CACNA1B: variants seen among roughly 807,000 people sequenced by gnomAD.
The protein encoded by CACNA1B is calcium voltage-gated channel subunit alpha1 B.
In CACNA1B, 70 loss-of-function variants were observed where a neutral mutation model predicts 247.2. That is an observed-to-expected ratio of 0.28 (90% CI 0.23 to 0.35). The LOEUF (loss-of-function observed/expected upper bound fraction) is 0.35, where lower values mean the gene tolerates loss of function less well. CACNA1B is among the 10% of genes least tolerant of loss of function. CACNA1B has a pLI of 1.00. For synonymous variants in CACNA1B, 1,231 were observed against 1,294.4 expected (o/e 0.95, Z 1.05); for missense variants, 2,367 against 3,197.4 (o/e 0.74, Z 6.26).
Position 138,102,725 on chromosome 9 carries a change from A to G in CACNA1B, c.5237A>G (p.Tyr1746Cys), listed in dbSNP as rs1480726090. Reference protein sequence around the residue: ...YDPAACGRISYNDMFEMLKHM... With the variant: ...YDPAACGRISCNDMFEMLKHM... Reference sequence around the variant, plus strand: ...CGGGTTTCCAGTGGGCGCATCAGTTACAATGACATGTTTGAGATGCTGAAA... The same window carrying G: ...CGGGTTTCCAGTGGGCGCATCAGTTGCAATGACATGTTTGAGATGCTGAAA... The change falls in exon 38 of 47, where the codon TAC (tyrosine) becomes TGC (cysteine). Residue 1746 changes from tyrosine (Y) to cysteine (C), a missense_variant. Coordinates refer to ENST00000371372, the MANE Select transcript of CACNA1B (RefSeq NM_000718.4). The surrounding 1 kb of genome is among the most constrained non-coding windows in gnomAD (Gnocchi z 5.4). The G allele has an allele frequency of 1.2e-6, 2 of 1,611,936 alleles. No individual in the cohort carries two copies. The highest frequency in any genetic ancestry group is 8.5e-7 in the Non-Finnish European group (1 of 1,178,636).
chr9:138,022,601 C>T (rs2133436957), intron 18 of CACNA1B, among the ~76,000 whole-genome samples: 1 of 152,208 alleles, frequency 6.6e-6, no homozygotes, highest in South Asian at 2.1e-4. Flanking sequence ...GGCTACAGGG[C>T]CTCCCTGGCT....
chr9:138,058,733 G>A lies in CACNA1B; in HGVS notation c.4473G>A (p.Lys1491=). ...TCAACACTGTGGTGCTGATGATGAA[G>A]GTGTGTGGGGCTCAGCGCAGAGGGG... ...IALNTVVLMM[K]FYDAPYEYEL... Residue 1491 remains lysine, a splice_region_variant and synonymous_variant, in exon 29 of 47, where the codon AAG becomes AAA. Transcript: ENST00000371372. This position sits in a 1 kb window ranked among gnomAD's most constrained non-coding sequence, Gnocchi z 4.7. 6.2e-7 allele frequency: 1 copy of A among 1,601,626 alleles called. No individual in the cohort carries two copies. Among genetic ancestry groups the A allele is most frequent in the Non-Finnish European group, 8.5e-7 (1 of 1,173,992 alleles).
Position 137,971,493 on chromosome 9 carries a change from C to A in CACNA1B, c.1444C>A (p.Gln482Lys). 6.2e-7 allele frequency: 1 copy of A among 1,613,726 alleles called. No individual in the cohort carries two copies. The highest frequency in any genetic ancestry group is 1.1e-5 in the South Asian group (1 of 91,006). Residue 482 changes from glutamine to lysine, a missense_variant, in exon 11 of 47, where the codon CAG becomes AAG. This residue lies in a region of CACNA1B where 219 missense variants were observed against 297.6 expected (regional missense o/e 0.74). Coordinates refer to ENST00000371372, the MANE Select transcript of CACNA1B (RefSeq NM_000718.4). The surrounding 1 kb of genome is among the most constrained non-coding windows in gnomAD (Gnocchi z 4.4). ...TTTTATCCGGCGCATGGTGAAGGCT[C>A]AGAGCTTCTACTGGGTGGTGCTGTG... ...RFFIRRMVKA[Q>K]SFYWVVLCVV... is the part of the protein sequence containing the mutation.
At position 138,122,379 on chromosome 9, in the gene CACNA1B, C is replaced by T. The variant is rs199893681; in HGVS notation, c.*380C>T. 129 of 233,856 alleles carry T rather than the reference C, an allele frequency of 5.5e-4. No individual in the cohort carries two copies. In the South Asian group the frequency reaches 5.9e-3, roughly 11 times the overall value. The allele number at this position is 233,856 out of a possible 1,614,324, so 14.5% of individuals were successfully genotyped here. On this transcript the variant is annotated 3_prime_UTR_variant, in exon 47 of 47. Coordinates refer to ENST00000371372, the MANE Select transcript of CACNA1B (RefSeq NM_000718.4). ...TGCGTCCTGTGGGGAGCACCCTTCA[C>T]GTGGCCGTGCGGCACAGAGAAGCAG...
Position 138,120,297 on chromosome 9 carries a change from C to A in CACNA1B, c.6163C>A (p.Arg2055Ser). ...GGCGTCGTCGCACCACCACCACCAC[C>A]GCTGCCACCGCCGCAGGGACAGGAA... ...SQASSHHHHH[R>S]CHRRRDRKQR... is the part of the protein sequence containing the mutation. Residue 2055 changes from arginine (R) to serine (S), a missense_variant, in exon 45 of 47, where the codon CGC becomes AGC. Around this residue, in one of 12 missense-constraint regions of CACNA1B, gnomAD observed 773 missense variants for 779.4 expected, o/e 0.99. Transcript: ENST00000371372. The A allele has an allele frequency of 2.6e-6, 4 of 1,563,790 alleles. No homozygotes were observed. The highest frequency in any genetic ancestry group is 2.6e-6 in the Non-Finnish European group (3 of 1,156,952).
intron 3 of CACNA1B, among the ~76,000 whole-genome samples, chr9:137,902,583 G>A (rs1957251269): frequency 6.6e-6 from 1 of 152,128 alleles, no homozygotes; most frequent in Non-Finnish European, 1.5e-5. Context: ...GTCAGCAGAG[G>A]ATAAACATTT....
intron 15 of CACNA1B, among the ~76,000 whole-genome samples, chr9:138,003,786 T>A (rs2133407926): frequency 1.4e-5 from 2 of 142,840 alleles, no homozygotes; most frequent in East Asian, 4.0e-4. Context: ...GCCTTTTTTT[T>A]TTTTTTTTTT....
At chr9:138,087,028 C>T (rs1960714484) in intron 36 of CACNA1B, among the ~76,000 whole-genome samples, 1 of 151,002 alleles carries the variant, frequency 6.6e-6, no homozygotes, top group African/African-American at 2.5e-5. Context: ...TGAAATTGTA[C>T]AAATTCATGA....
In CACNA1B at chr9:138,023,618, C is replaced by T; in HGVS notation, c.2875C>T (p.Arg959Cys). Residue 959 changes from arginine to cysteine, a missense_variant, in exon 19 of 47, where the codon CGC (arginine) becomes TGC (cysteine). Arg to Cys is a radical substitution (Grantham distance 180). Around this residue, in one of 12 missense-constraint regions of CACNA1B, gnomAD observed 631 missense variants for 631.1 expected, o/e 1.00. Coordinates refer to ENST00000371372, the MANE Select transcript of CACNA1B (RefSeq NM_000718.4). ...GAKGERRARH[R>C]GGPRAGPREA... Reference sequence around the variant, plus strand: ...CAAGGGCGAGCGGCGCGCGCGGCACCGCGGCGGCCCCCGAGCGGGGCCCCG... The same window carrying T: ...CAAGGGCGAGCGGCGCGCGCGGCACTGCGGCGGCCCCCGAGCGGGGCCCCG... 1 of 1,185,426 alleles carries T rather than the reference C, an allele frequency of 8.4e-7. No individual in the cohort carries two copies. Among genetic ancestry groups the T allele is most frequent in the Non-Finnish European group, 1.0e-6 (1 of 955,790 alleles). 73.4% of individuals were successfully genotyped at this position (1,185,426 alleles called of 1,614,324 possible).
chr9:137,997,459 G>T (rs541317532), intron 15 of CACNA1B, among the ~76,000 whole-genome samples: 1 of 152,264 alleles, frequency 6.6e-6, no homozygotes, highest in East Asian at 1.9e-4. Context: ...CATGAAATTG[G>T]ATTCCTACCT....
chr9:138,120,870 C>T lies in CACNA1B; in HGVS notation c.6478C>T (p.Pro2160Ser). Residue 2160 changes from proline (P) to serine (S), a missense_variant, in exon 46 of 47, where the codon CCC becomes TCC. Around this residue, in one of 12 missense-constraint regions of CACNA1B, gnomAD observed 773 missense variants for 779.4 expected, o/e 0.99. Transcript: ENST00000371372. ...TSPTAGQEPG[P>S]HPQGSGSVNG... ...GCCAACAGCTGGCCAGGAGCCGGGA[C>T]CCCACCCACAGGTAAGAGGAATAGG... 2 of 1,570,686 alleles carry T rather than the reference C, an allele frequency of 1.3e-6. No homozygotes were observed. The highest frequency in any genetic ancestry group is 1.7e-6 in the Non-Finnish European group (2 of 1,158,374).
rs533918932 is a variant in CACNA1B at position 137,948,682 on chromosome 9, T to C, written c.967-3592T>C. 6.0e-5 allele frequency among the ~76,000 whole-genome samples: 9 copies of C among 151,100 alleles called. No homozygotes were observed. In the East Asian group the frequency reaches 1.8e-3, roughly 29 times the overall value. ...TGGTGTGTGTTGTGTCTGGTGTGTG[T>C]GGTGTGCATGTGTGTGTGTCTGGTG... On this transcript the variant is annotated intron_variant, in intron 6 of 46. Coordinates refer to ENST00000371372, the MANE Select transcript of CACNA1B (RefSeq NM_000718.4).
At chr9:137,920,085 C>T (rs564585379) in intron 6 of CACNA1B, among the ~76,000 whole-genome samples, 53 of 152,290 alleles carry the variant, frequency 3.5e-4, no homozygotes, top group Admixed American at 7.8e-4. Flanking sequence ...CAAAGAGGGG[C>T]CGTGTCTTTC....
chr9:137,896,093 G>A lies in CACNA1B; in HGVS notation c.530+13210G>A, dbSNP rs190623771. Among the ~76,000 whole-genome samples the A allele has an allele frequency of 2.6e-5, 4 of 152,136 alleles. No homozygotes were observed. The East Asian group carries it at 7.7e-4, about 29-fold the overall frequency. ...TCTCTACTAAAAATACAAAAAGTTA[G>A]CCGGGTGTGGTGGCAGGCGCCTGTA... On this transcript the variant is annotated intron_variant, in intron 3 of 46. Transcript: ENST00000371372.
intron 15 of CACNA1B, among the ~76,000 whole-genome samples, chr9:137,997,079 C>G (rs1396878506): frequency 6.6e-6 from 1 of 152,158 alleles, no homozygotes; most frequent in Non-Finnish European, 1.5e-5. Flanking sequence ...GATACAAACC[C>G]TGTATGATCA....
At chr9:138,101,716 C>T (rs557303104) in intron 37 of CACNA1B, among the ~76,000 whole-genome samples, 26 of 152,232 alleles carry the variant, frequency 1.7e-4, no homozygotes, top group Non-Finnish European at 3.7e-4. Context: ...GTGATGCGCT[C>T]AGCTCAGCCA....
chr9:138,120,116 G>T, intron 44 of CACNA1B, 49 bp from the exon 45 acceptor site: 2 of 1,480,528 alleles, frequency 1.4e-6, no homozygotes, highest in Non-Finnish European at 1.8e-6. Context: ...CTGCATTCCC[G>T]CTGACCCTGG....
In CACNA1B at chr9:138,024,847, T is replaced by C. The variant is rs1304309091; in HGVS notation, c.3069-108T>C. 9 of 736,850 alleles carry C rather than the reference T, an allele frequency of 1.2e-5. No homozygotes were observed. The Admixed American group carries it at 1.9e-4, about 16-fold the overall frequency. The allele number at this position is 736,850 out of a possible 1,614,324, so 45.6% of individuals were successfully genotyped here. On this transcript the variant is annotated intron_variant, in intron 19 of 46. Coordinates refer to ENST00000371372, the MANE Select transcript of CACNA1B (RefSeq NM_000718.4). ...TGGGGTTTCGCCATATTCCCCAGGC[T>C]GGTCTTGAACTCCTGGGCTCAAGTG...
chr9:138,075,933 G>C, intron 35 of CACNA1B, 23 bp downstream of exon 35: 1 of 1,487,304 alleles, frequency 6.7e-7, no homozygotes, highest in Non-Finnish European at 9.3e-7. Context: ...GTCAGCCCAG[G>C]CCAATGTCTG....
Sources: allele counts gnomAD v4.1 joint callset (sites outside exome capture counted in the v4.1 genomes callset), GRCh38; gene constraint gnomAD v4.1.1; regional missense constraint gnomAD v4.1.1; non-coding constraint Gnocchi (gnomAD v3.1); transcripts MANE v1.5; gene names NCBI Gene and HGNC (gene_info 2026-07-23, HGNC 2026-07-21).